CD33: variants seen among roughly 807,000 people sequenced by gnomAD.
CD33 encodes myeloid cell surface antigen CD33.
CD33 carries 25 observed loss-of-function variants against 31.4 expected under a neutral mutation model. The observed-to-expected ratio is 0.80, with a 90% CI of 0.58 to 1.11. CD33 has a LOEUF of 1.11. Ranked by LOEUF, CD33 falls within the 50% of genes most tolerant of loss-of-function variation. CD33 has a pLI of 0.00. For missense variants in CD33, 407 were observed against 448.1 expected (o/e 0.91, Z 0.83); for synonymous variants, 176 against 180.6 (o/e 0.97, Z 0.20).
intron 4 of CD33, among the ~76,000 whole-genome samples, chr19:51,232,061 G>T (rs767299700): frequency 7.2e-5 from 11 of 152,078 alleles, no homozygotes; most frequent in South Asian, 2.1e-4. Context: ...ACTGTGCCTG[G>T]CCCCTTGAGC....
upstream of CD33, among the ~76,000 whole-genome samples, chr19:51,220,651 A>G (rs1489737189): frequency 1.3e-5 from 2 of 152,318 alleles, no homozygotes; most frequent in East Asian, 3.9e-4. Flanking sequence ...AGTTGTAAGA[A>G]TACCTATAAA....
At chr19:51,219,025 T>C in the CD33 span, among the ~76,000 whole-genome samples, 4 of 151,326 alleles carry the variant, frequency 2.6e-5, no homozygotes, top group Non-Finnish European at 4.4e-5. Context: ...TGTTTCTATA[T>C]GAATTTTAGA....
At chr19:51,233,005 G>A (rs1981528115) in intron 4 of CD33, among the ~76,000 whole-genome samples, 1 of 152,226 alleles carries the variant, frequency 6.6e-6, no homozygotes, top group Non-Finnish European at 1.5e-5. Context: ...CCTAGGGGGT[G>A]TACCAGCCAG....
At position 51,225,903 on chromosome 19, in the gene CD33, A is replaced by T; in HGVS notation, c.519A>T (p.Thr173=). Residue 173 remains threonine (T), a synonymous_variant, in exon 3 of 7, where the codon ACA becomes ACT. Transcript: ENST00000262262. The part of the protein sequence containing the change: ...CSVSWACEQG[T]PPIFSWLSAA... ...TGTCCTGGGCCTGTGAGCAGGGAAC[A>T]CCCCCGATCTTCTCCTGGTTGTCAG... The T allele has an allele frequency of 3.1e-6, 5 of 1,613,254 alleles. No homozygotes were observed. Among genetic ancestry groups the T allele is most frequent in the Non-Finnish European group, 4.2e-6 (5 of 1,179,852 alleles).
chr19:51,237,020 C>T (rs1412072373), intron 6 of CD33: 2 of 152,312 alleles, frequency 1.3e-5, no homozygotes, highest in Non-Finnish European at 2.9e-5. Context: ...CCCTTCAGTG[C>T]TATGCTCCCC....
chr19:51,231,379 C>A (rs1981399237), intron 4 of CD33, among the ~76,000 whole-genome samples: 1 of 152,214 alleles, frequency 6.6e-6, no homozygotes, highest in Non-Finnish European at 1.5e-5. Context: ...GACTTCGTGG[C>A]CCCCACGGCC....
At chr19:51,232,295 T>A (rs1164055113) in intron 4 of CD33, among the ~76,000 whole-genome samples, 2 of 152,190 alleles carry the variant, frequency 1.3e-5, no homozygotes, top group Non-Finnish European at 2.9e-5. Flanking sequence ...ATAAGGATAA[T>A]CCTATATGTG....
intron 4 of CD33, among the ~76,000 whole-genome samples, chr19:51,233,257 C>T (rs1445698672): frequency 6.6e-6 from 1 of 152,340 alleles, no homozygotes; most frequent in East Asian, 1.9e-4. Context: ...TTTGTTGGCT[C>T]AGAGGTCTCT....
intron 4 of CD33, among the ~76,000 whole-genome samples, chr19:51,229,900 T>C (rs1389859857): frequency 2.0e-5 from 3 of 152,130 alleles, no homozygotes; most frequent in Non-Finnish European, 2.9e-5. Context: ...TTTCTTTCAT[T>C]GTGCTGATTT....
In CD33 at chr19:51,225,139, GC is replaced by G. The variant is rs1980891859; in HGVS notation, c.25del (p.Leu9CysfsTer21). 5 of 1,614,044 alleles carry G rather than the reference GC, an allele frequency of 3.1e-6. No individual in the cohort carries two copies. The highest frequency in any genetic ancestry group is 1.1e-5 in the South Asian group (1 of 91,078). Reference sequence around the variant, plus strand: ...CAGACATGCCGCTGCTGCTACTGCTGCCCCTGCTGTGGGCAGGTGAGTGGCT... The same window carrying G: ...CAGACATGCCGCTGCTGCTACTGCTGCCCTGCTGTGGGCAGGTGAGTGGCT... MPLLLLL[P>X]LLWAGALAMD... On this transcript the variant is annotated frameshift_variant, in exon 1 of 7. Coordinates refer to ENST00000262262, the MANE Select transcript of CD33 (RefSeq NM_001772.4). LOFTEE classifies it high-confidence loss of function.
At chr19:51,226,139 T>A in intron 3 of CD33, 58 bp downstream of exon 3, 1 of 1,588,512 alleles carries the variant, frequency 6.3e-7, no homozygotes, top group Non-Finnish European at 8.6e-7. Flanking sequence ...CAGGATGGGC[T>A]GGTGCTGGGG....
At chr19:51,213,597 C>T in the CD33 span, among the ~76,000 whole-genome samples, 1 of 151,540 alleles carries the variant, frequency 6.6e-6, no homozygotes. Context: ...AGCACGGTGA[C>T]ACAATCTCAG....
At chr19:51,231,448 G>C (rs1981404671) in intron 4 of CD33, among the ~76,000 whole-genome samples, 1 of 152,180 alleles carries the variant, frequency 6.6e-6, no homozygotes, top group Non-Finnish European at 1.5e-5. Flanking sequence ...CATTCATTCA[G>C]GCAGTCCATA....
At chr19:51,223,004 A>G (rs1277586276), upstream of CD33, among the ~76,000 whole-genome samples, 1 of 152,114 alleles carries the variant, frequency 6.6e-6, no homozygotes, top group Non-Finnish European at 1.5e-5. Context: ...GCTTGAACCC[A>G]GGAGTTCAAG....
At chr19:51,224,043 T>C (rs565981130), upstream of CD33, among the ~76,000 whole-genome samples, 1 of 152,280 alleles carries the variant, frequency 6.6e-6, no homozygotes, top group Admixed American at 6.5e-5. Flanking sequence ...GAAACACGAA[T>C]GGTGGCTCAC....
the CD33 span, among the ~76,000 whole-genome samples, chr19:51,217,415 T>C: frequency 2.2e-5 from 3 of 138,758 alleles, no homozygotes; most frequent in African/African-American, 8.1e-5. Context: ...TGTTGTTTTG[T>C]TTTTTTTTTT....
At chr19:51,215,390 G>A in the CD33 span, among the ~76,000 whole-genome samples, 2 of 152,118 alleles carry the variant, frequency 1.3e-5, no homozygotes, top group African/African-American at 4.8e-5. Context: ...TTTTCTATCA[G>A]CCCCTTTGCA....
Position 51,235,596 on chromosome 19 carries a change from G to A in CD33, c.844G>A (p.Val282Met). 1 of 1,613,488 alleles carries A rather than the reference G, an allele frequency of 6.2e-7. No individual in the cohort carries two copies. Among genetic ancestry groups the A allele is most frequent in the African/African-American group, 1.3e-5 (1 of 75,020 alleles). Residue 282 changes from valine to methionine, a missense_variant and splice_region_variant, in exon 6 of 7, where the codon GTG (valine) becomes ATG (methionine). Physicochemically the swap from Val to Met is conservative, Grantham distance 21. Coordinates refer to ENST00000262262, the MANE Select transcript of CD33 (RefSeq NM_001772.4). ...AAAGACCCTGGTGTCTCCCATCAGA[G>A]TGAAGACCCACAGGAGGAAAGCAGC... ...ALCLCLIFFI[V>M]KTHRRKAART...
At chr19:51,221,635 C>A (rs1980691903), upstream of CD33, among the ~76,000 whole-genome samples, 1 of 152,128 alleles carries the variant, frequency 6.6e-6, no homozygotes, top group Admixed American at 6.5e-5. Flanking sequence ...GGACCAGGCA[C>A]CTGACTCCTA....
Sources: gnomAD v4.1 joint callset for allele counts (sites outside exome capture counted in the v4.1 genomes callset) on GRCh38, gnomAD v4.1.1 for gene constraint, MANE v1.5 for transcripts, NCBI Gene and HGNC (gene_info 2026-07-23, HGNC 2026-07-21) for gene names.